DENND2A: variants seen among roughly 807,000 people sequenced by gnomAD.
DENND2A encodes the protein DENN domain-containing protein 2A.
DENND2A carries 53 observed loss-of-function variants against 105.3 expected under a neutral mutation model. The observed-to-expected ratio is 0.50, with a 90% confidence interval of 0.40 to 0.63. The LOEUF is 0.63. DENND2A is among the 30% of genes least tolerant of loss of function. The pLI, the probability that DENND2A is intolerant of heterozygous loss-of-function variation, is 0.00. For synonymous variants in DENND2A, 522 were observed against 508.4 expected (o/e 1.03, Z -0.36); for missense variants, 1,138 against 1,279.6 (o/e 0.89, Z 1.69).
At chr7:140,525,883 G>C in intron 15 of DENND2A, 91 bp from the exon 16 acceptor site, 1 of 1,120,202 alleles carries the variant, frequency 8.9e-7, no homozygotes, top group Non-Finnish European at 1.2e-6. Context: ...GGCATGCAGA[G>C]AGGCAGCTGG....
chr7:140,580,777 C>T (rs189998022), intron 5 of DENND2A, among the ~76,000 whole-genome samples: 176 of 152,114 alleles, frequency 1.2e-3, no homozygotes, highest in African/African-American at 4.0e-3. Context: ...GCTGGGACTA[C>T]AGGCGAGTGC....
Position 140,528,214 on chromosome 7 carries a change from A to T in DENND2A, c.2328-719T>A, listed in dbSNP as rs558223839. Among the ~76,000 whole-genome samples the T allele has an allele frequency of 5.9e-5, 9 of 152,236 alleles. No homozygotes were observed. In the South Asian group the frequency reaches 1.5e-3, roughly 25 times the overall value. ...CCTACACAAACAAAACAAAAACACAAACGGTGAAAGCCTATTTTCTCATGA... is the reference window on the plus strand; with the variant it reads ...CCTACACAAACAAAACAAAAACACATACGGTGAAAGCCTATTTTCTCATGA... On this transcript the variant is annotated intron_variant, in intron 14 of 19. Transcript: ENST00000496613.
At chr7:140,581,440 C>T (rs771488725) in intron 5 of DENND2A, among the ~76,000 whole-genome samples, 25 of 152,140 alleles carry the variant, frequency 1.6e-4, no homozygotes, top group Non-Finnish European at 2.9e-4. Flanking sequence ...TCTAGTGACC[C>T]GAATAACTAG....
intron 9 of DENND2A, among the ~76,000 whole-genome samples, chr7:140,560,167 C>T (rs1797555946): frequency 6.6e-6 from 1 of 152,194 alleles, no homozygotes; most frequent in Non-Finnish European, 1.5e-5. Context: ...CTAATCAGGC[C>T]TCTCTGTCTC....
chr7:140,607,470 G>A (rs1253287684), intron 1 of DENND2A, among the ~76,000 whole-genome samples: 1 of 152,256 alleles, frequency 6.6e-6, no homozygotes. Flanking sequence ...GCCTGTCCAT[G>A]GAGTTCAGCT....
chr7:140,540,415 G>A (rs774059432), intron 14 of DENND2A, among the ~76,000 whole-genome samples: 3 of 152,258 alleles, frequency 2.0e-5, no homozygotes, highest in Non-Finnish European at 4.4e-5. Flanking sequence ...CAGGCACTAT[G>A]GAAGGTTGGA....
At chr7:140,518,822 G>A (rs938954431) in intron 19 of DENND2A, 84 bp from the exon 20 acceptor site, 23 of 1,437,918 alleles carry the variant, frequency 1.6e-5, no homozygotes, top group Admixed American at 3.6e-5. Context: ...CAGAAGTGGT[G>A]CGGGTAACGG....
At chr7:140,639,251 C>G (rs1181924576) in intron 1 of DENND2A, among the ~76,000 whole-genome samples, 1 of 151,546 alleles carries the variant, frequency 6.6e-6, no homozygotes, top group African/African-American at 2.4e-5. Context: ...ACTCGGGAAG[C>G]TGAGACAGGA....
At chr7:140,624,962 A>T (rs1800462716) in intron 1 of DENND2A, among the ~76,000 whole-genome samples, 1 of 151,346 alleles carries the variant, frequency 6.6e-6, no homozygotes, top group Non-Finnish European at 1.5e-5. Flanking sequence ...ATGTCCAGCA[A>T]TCTTCCTGCT....
At chr7:140,607,367 G>A (rs555840009) in intron 1 of DENND2A, among the ~76,000 whole-genome samples, 17 of 152,310 alleles carry the variant, frequency 1.1e-4, no homozygotes, top group African/African-American at 4.1e-4. Context: ...GAACAAGAGG[G>A]AGGCTGGGGA....
chr7:140,581,218 C>T (rs198865), intron 5 of DENND2A, among the ~76,000 whole-genome samples: 72,205 of 151,768 alleles, frequency 0.48, 18,219 homozygotes, highest in African/African-American at 0.65. Flanking sequence ...GAGCCAAGAT[C>T]GAGCCACTGC....
At chr7:140,533,675 C>T (rs1259812360) in intron 14 of DENND2A, among the ~76,000 whole-genome samples, 4 of 152,206 alleles carry the variant, frequency 2.6e-5, no homozygotes, top group Non-Finnish European at 5.9e-5. Context: ...GAAATGATGA[C>T]GACTCGGCTG....
chr7:140,563,471 T>C (rs1249675431), intron 9 of DENND2A, among the ~76,000 whole-genome samples: 1 of 151,884 alleles, frequency 6.6e-6, no homozygotes, highest in Non-Finnish European at 1.5e-5. Context: ...AACATTTTAA[T>C]GGAACATTAG....
In DENND2A at chr7:140,567,170, G is replaced by C. The variant is rs200641456; in HGVS notation, c.1695C>G (p.Phe565Leu). Reference protein sequence around the residue: ...ELIEYQERQLFEYFVVVSLHK... With the variant: ...ELIEYQERQLLEYFVVVSLHK... ...GCAAAGACACAACCACAAAGTACTC[G>C]AAGAGCTGCCTCTCCTGGTACTCGA... Residue 565 changes from phenylalanine to leucine, a missense_variant, in exon 9 of 20, where the codon TTC becomes TTG. Phe to Leu is a conservative substitution (Grantham distance 22, BLOSUM62 0). Coordinates refer to ENST00000496613, the MANE Select transcript of DENND2A (RefSeq NM_015689.5). The C allele has an allele frequency of 5.0e-6, 8 of 1,613,578 alleles. No homozygotes were observed. Among genetic ancestry groups the C allele is most frequent in the African/African-American group, 1.3e-5 (1 of 74,892 alleles).
Position 140,606,203 on chromosome 7 carries a change from C to T in DENND2A, c.-247-397G>A, listed in dbSNP as rs556825922. ...TTACAGGTGTGCACCACCACCCCGG[C>T]TAATGTTTGTATTTTTAGTAGAGAC... On this transcript the variant is annotated intron_variant, in intron 1 of 19. Transcript: ENST00000496613. 7.2e-5 allele frequency among the ~76,000 whole-genome samples: 11 copies of T among 151,812 alleles called. No homozygotes were observed. The East Asian group carries it at 1.9e-3, about 27-fold the overall frequency.
In DENND2A at chr7:140,527,293, G is replaced by C; in HGVS notation, c.2505+25C>G. 1 of 1,550,840 alleles carries C rather than the reference G, an allele frequency of 6.4e-7. No individual in the cohort carries two copies. The highest frequency in any genetic ancestry group is 8.7e-7 in the Non-Finnish European group (1 of 1,146,712). ...CTGTTCTCCGCACCCTGCAGGGAGG[G>C]GGACAGGGCTGAGTGGGAGCTCACC... is the stretch of plus-strand genomic sequence containing the variant. On this transcript the variant is annotated intron_variant, in intron 15 of 19. Coordinates refer to ENST00000496613, the MANE Select transcript of DENND2A (RefSeq NM_015689.5). The surrounding 1 kb of genome is among the most constrained non-coding windows in gnomAD (Gnocchi z 4.9).
At chr7:140,596,525 T>A (rs958642674) in intron 3 of DENND2A, among the ~76,000 whole-genome samples, 1 of 152,152 alleles carries the variant, frequency 6.6e-6, no homozygotes, top group African/African-American at 2.4e-5. Flanking sequence ...TCCGTATCAG[T>A]CCCATAGAAG....
rs577332342 is a variant in DENND2A, at chr7:140,573,656, C to T, written c.1446+152G>A. On this transcript the variant is annotated intron_variant, in intron 6 of 19. Coordinates refer to ENST00000496613, the MANE Select transcript of DENND2A (RefSeq NM_015689.5). ...GATCAGGACGAAGGTCCGGATATTCCAGCCTGCTGGCTTCACTGTGTCCCC... is the reference window on the plus strand; with the variant it reads ...GATCAGGACGAAGGTCCGGATATTCTAGCCTGCTGGCTTCACTGTGTCCCC... 12 of 875,698 alleles carry T rather than the reference C, an allele frequency of 1.4e-5. No individual in the cohort carries two copies. In the African/African-American group the frequency reaches 2.0e-4, roughly 15 times the overall value. 54.2% of individuals were successfully genotyped at this position (875,698 alleles called of 1,614,324 possible). A position where few individuals can be genotyped will look rare whatever the true frequency, so the allele number is the denominator to read the frequency against.
chr7:140,577,705 C>A (rs1005079820), intron 5 of DENND2A, among the ~76,000 whole-genome samples: 1 of 152,006 alleles, frequency 6.6e-6, no homozygotes, highest in Non-Finnish European at 1.5e-5. Flanking sequence ...GCCAGCAAAC[C>A]TTTTCTAAAA....
Sources: allele counts gnomAD v4.1 joint callset (sites outside exome capture counted in the v4.1 genomes callset), GRCh38; gene constraint gnomAD v4.1.1; non-coding constraint Gnocchi (gnomAD v3.1); transcripts MANE v1.5; gene names NCBI Gene and HGNC (gene_info 2026-07-23, HGNC 2026-07-21).